The following ANXA4 variants were observed in gnomAD, a reference collection of about 807,000 sequenced individuals.
ANXA4 encodes 35-beta calcimedin.
Under a neutral mutation model 49.8 loss-of-function variants are expected in ANXA4, and 39 were observed. The observed-to-expected ratio is 0.78, with a 90% CI of 0.61 to 1.02. The LOEUF (loss-of-function observed/expected upper bound fraction) is 1.02. Ranked by LOEUF, ANXA4 falls within the 50% of genes least tolerant of loss-of-function variation. ANXA4 has a pLI of 0.00. For synonymous variants in ANXA4, 134 were observed against 152.5 expected, an observed-to-expected ratio of 0.88 and a Z score of 0.89; for missense variants, 360 against 410.1, an observed-to-expected ratio of 0.88 and a Z score of 1.05.
chr2:69,647,600 G>T (rs1290631580), intron 1 of ANXA4, among the ~76,000 whole-genome samples: 2 of 151,908 alleles, frequency 1.3e-5, no homozygotes, highest in African/African-American at 4.8e-5. Context: ...GTAGAGACAG[G>T]GTTTCACCAT....
chr2:69,739,225 A>C (rs149910798), upstream of ANXA4, among the ~76,000 whole-genome samples: 160 of 152,200 alleles, frequency 1.1e-3, 1 homozygote, highest in African/African-American at 3.5e-3. Context: ...CTATCCCGAG[A>C]AATCCTACTG....
intron 2 of ANXA4, among the ~76,000 whole-genome samples, chr2:69,674,928 T>C (rs1677342377): frequency 6.6e-6 from 1 of 150,794 alleles, no homozygotes; most frequent in Non-Finnish European, 1.5e-5. Flanking sequence ...TTTTTTTTTT[T>C]TTTCGTTTTT....
chr2:69,786,143 T>A (rs1319165077), intron 2 of ANXA4, among the ~76,000 whole-genome samples: 1 of 152,230 alleles, frequency 6.6e-6, no homozygotes, highest in Non-Finnish European at 1.5e-5. Context: ...CACTCCACAC[T>A]GCCACTCTGA....
At chr2:69,769,247 C>T (rs1239905675) in intron 1 of ANXA4, among the ~76,000 whole-genome samples, 1 of 146,234 alleles carries the variant, frequency 6.8e-6, no homozygotes, top group African/African-American at 2.5e-5. Context: ...CATGTGGGAC[C>T]CAGTCAGCTT....
At chr2:69,682,795 C>G (rs1366932870) in intron 2 of ANXA4, among the ~76,000 whole-genome samples, 2 of 152,140 alleles carry the variant, frequency 1.3e-5, no homozygotes, top group African/African-American at 4.8e-5. Flanking sequence ...AAGAACATGC[C>G]ACTCATGTAA....
intron 2 of ANXA4, chr2:69,674,008 C>T (rs930682701): frequency 2.0e-4 from 31 of 152,634 alleles, no homozygotes; most frequent in African/African-American, 6.5e-4. Context: ...GCTGGCTGCC[C>T]ACTGTGCTTC....
chr2:69,680,091 T>A (rs1429097719), intron 2 of ANXA4, among the ~76,000 whole-genome samples: 2 of 152,198 alleles, frequency 1.3e-5, no homozygotes, highest in South Asian at 2.1e-4. Flanking sequence ...ATTATTGCTT[T>A]GGGTAGTTTG....
intron 1 of ANXA4, among the ~76,000 whole-genome samples, chr2:69,763,670 T>TC (rs1431948722): frequency 6.6e-6 from 1 of 151,384 alleles, no homozygotes; most frequent in East Asian, 1.9e-4. Flanking sequence ...TACTTTTTTT[T>TC]TTTTTTTTTT....
intron 1 of ANXA4, among the ~76,000 whole-genome samples, chr2:69,752,012 TGCC>T: frequency 6.6e-6 from 1 of 152,324 alleles, no homozygotes; most frequent in South Asian, 2.1e-4. Flanking sequence ...ATGTGCAGAC[TGCC>T]ATGGAGTAAC....
intron 2 of ANXA4, among the ~76,000 whole-genome samples, chr2:69,786,335 A>G (rs1333459172): frequency 6.6e-6 from 1 of 151,994 alleles, no homozygotes; most frequent in East Asian, 1.9e-4. Flanking sequence ...GTTTATTTCC[A>G]TCTTAACTAT....
At chr2:69,818,244 A>C (rs1573317209) in intron 9 of ANXA4, 1 of 159,844 alleles carries the variant, frequency 6.3e-6, no homozygotes, top group East Asian at 1.8e-4. Flanking sequence ...GATGACAGGG[A>C]GGTGATTGCC....
intron 1 of ANXA4, among the ~76,000 whole-genome samples, chr2:69,759,869 A>G (rs6724464): frequency 0.52 from 78,306 of 151,944 alleles, 20,686 homozygotes; most frequent in East Asian, 0.79. Flanking sequence ...GTCTGGCTCT[A>G]TCGCCCAGGC....
At chr2:69,695,538 C>T (rs946876808) in intron 2 of ANXA4, among the ~76,000 whole-genome samples, 6 of 152,106 alleles carry the variant, frequency 3.9e-5, no homozygotes, top group East Asian at 1.9e-4. Context: ...AAACAACACC[C>T]GCATGCTCTT....
At chr2:69,695,274 T>C (rs1268237165) in intron 2 of ANXA4, among the ~76,000 whole-genome samples, 2 of 152,184 alleles carry the variant, frequency 1.3e-5, no homozygotes, top group South Asian at 2.1e-4. Flanking sequence ...ACGCTGAGAA[T>C]CAAGGCAGAT....
intron 12 of ANXA4, among the ~76,000 whole-genome samples, chr2:69,825,162 A>G (rs1674418635): frequency 6.6e-6 from 1 of 151,968 alleles, no homozygotes; most frequent in Non-Finnish European, 1.5e-5. Context: ...ACAGAATACT[A>G]CTGTTCTATC....
At chr2:69,670,853 CT>C (rs745696866) in intron 2 of ANXA4, among the ~76,000 whole-genome samples, 1 of 151,806 alleles carries the variant, frequency 6.6e-6, no homozygotes, top group Non-Finnish European at 1.5e-5. Context: ...AGTGAGACCC[CT>C]GTCTCTGCCA....
chr2:69,656,325 ATATATATGTG>A (rs1559046345), intron 2 of ANXA4, among the ~76,000 whole-genome samples: 2 of 98,280 alleles, frequency 2.0e-5, no homozygotes, highest in African/African-American at 5.5e-5. Context: ...ATATATATGT[ATATATATGTG>A]TATATATATG....
At chr2:69,674,731 T>G (rs558762111) in intron 2 of ANXA4, among the ~76,000 whole-genome samples, 1 of 152,246 alleles carries the variant, frequency 6.6e-6, no homozygotes, top group Admixed American at 6.5e-5. Context: ...CACAGGCTGA[T>G]TTTCTAGAAA....
chr2:69,658,820 G>A (rs1042318870), intron 2 of ANXA4, among the ~76,000 whole-genome samples: 6 of 152,136 alleles, frequency 3.9e-5, no homozygotes, highest in African/African-American at 1.4e-4. Flanking sequence ...TCAGCCTCCT[G>A]AGTAGCTGGG....
Sources: allele counts gnomAD v4.1 joint callset (sites outside exome capture counted in the v4.1 genomes callset), GRCh38; gene constraint gnomAD v4.1.1; transcripts MANE v1.5; gene names NCBI Gene and HGNC (gene_info 2026-07-23, HGNC 2026-07-21).